LMBR1: variants seen among roughly 807,000 people sequenced by gnomAD.
LMBR1 encodes limb region 1 protein homolog.
Under a neutral mutation model 73.9 loss-of-function variants are expected in LMBR1, and 52 were observed. The observed-to-expected ratio is 0.70, with a 90% confidence interval of 0.56 to 0.89. The LOEUF (loss-of-function observed/expected upper bound fraction) is 0.89. Ranked by LOEUF, LMBR1 falls within the 40% of genes least tolerant of loss-of-function variation. LMBR1 has a pLI of 0.00. For missense variants in LMBR1, 539 were observed against 579.8 expected, an observed-to-expected ratio of 0.93 and a Z score of 0.72; for synonymous variants, 215 against 209.4, an observed-to-expected ratio of 1.03 and a Z score of -0.23.
At position 156,682,999 on chromosome 7, in the gene LMBR1, T is replaced by G. The variant is rs1805339197; in HGVS notation, c.*1079A>C. 1 of 152,224 alleles carries G rather than the reference T, an allele frequency of 6.6e-6. No individual in the cohort carries two copies. The highest frequency in any genetic ancestry group is 2.1e-4 in the South Asian group (1 of 4,832). 9.4% of individuals were successfully genotyped at this position (152,224 alleles called of 1,614,324 possible). On this transcript the variant is annotated 3_prime_UTR_variant, in exon 17 of 17. Coordinates refer to ENST00000353442, the MANE Select transcript of LMBR1 (RefSeq NM_022458.4). ...CCAAGAAACCATCCCAATAATTATT[T>G]ACAATTTAATAACTGAATGATTATC...
chr7:156,771,163 G>A (rs1825108585), intron 5 of LMBR1, among the ~76,000 whole-genome samples: 1 of 151,824 alleles, frequency 6.6e-6, no homozygotes, highest in Non-Finnish European at 1.5e-5. Flanking sequence ...CAAACGACTT[G>A]AGGAACTAGA....
intron 9 of LMBR1, among the ~76,000 whole-genome samples, chr7:156,753,657 G>A (rs1449857391): frequency 6.6e-6 from 1 of 152,132 alleles, no homozygotes; most frequent in Non-Finnish European, 1.5e-5. Context: ...TGGGCTCCAT[G>A]TGCTGACCAT....
chr7:156,833,875 T>A, intron 2 of LMBR1, 83 bp from the exon 3 acceptor site: 1 of 912,534 alleles, frequency 1.1e-6, no homozygotes. Context: ...AAACACAATA[T>A]AAACTTAAAA....
chr7:156,672,815 T>C (rs965162043), downstream of LMBR1, among the ~76,000 whole-genome samples: 11 of 152,200 alleles, frequency 7.2e-5, no homozygotes, highest in African/African-American at 2.4e-4. Context: ...ATGCTTGGAG[T>C]TGGGAGGTGA....
intron 1 of LMBR1, among the ~76,000 whole-genome samples, chr7:156,872,802 G>C (rs899570566): frequency 6.6e-6 from 1 of 152,178 alleles, no homozygotes; most frequent in African/African-American, 2.4e-5. Context: ...CTCCCACTCA[G>C]ACAGAGTAGT....
intron 8 of LMBR1, among the ~76,000 whole-genome samples, chr7:156,758,721 T>A (rs1822400537): frequency 6.6e-6 from 1 of 152,208 alleles, no homozygotes; most frequent in Admixed American, 6.5e-5. Context: ...CAGGTCCCAG[T>A]GCCATGCTTC....
At chr7:156,712,431 A>C (rs767746450) in intron 15 of LMBR1, among the ~76,000 whole-genome samples, 12 of 152,228 alleles carry the variant, frequency 7.9e-5, no homozygotes, top group African/African-American at 2.7e-4. Context: ...AATTATTACA[A>C]CCTCTATGGA....
At chr7:156,872,105 C>G (rs1383211265) in intron 1 of LMBR1, 1 of 152,028 alleles carries the variant, frequency 6.6e-6, no homozygotes, top group East Asian at 1.9e-4. Flanking sequence ...GTATCGTAGC[C>G]AGTCAGGTTT....
chr7:156,877,662 T>A (rs1169255051), intron 1 of LMBR1, among the ~76,000 whole-genome samples: 1 of 152,032 alleles, frequency 6.6e-6, no homozygotes, highest in Non-Finnish European at 1.5e-5. Context: ...GGTGGGCGGA[T>A]CACGAGGTCA....
chr7:156,673,386 T>C (rs1187675570), downstream of LMBR1, among the ~76,000 whole-genome samples: 3 of 152,216 alleles, frequency 2.0e-5, no homozygotes, highest in African/African-American at 7.2e-5. Flanking sequence ...AGAACTCTTC[T>C]ACTTTCAATA....
At chr7:156,796,227 T>C (rs1270657821) in intron 5 of LMBR1, among the ~76,000 whole-genome samples, 162 bp downstream of exon 5, 1 of 152,234 alleles carries the variant, frequency 6.6e-6, no homozygotes, top group African/African-American at 2.4e-5. Flanking sequence ...AGTAATTCAA[T>C]ATGCAGAATT....
At chr7:156,742,732 G>A (rs1417433751) in intron 9 of LMBR1, among the ~76,000 whole-genome samples, 1 of 152,094 alleles carries the variant, frequency 6.6e-6, no homozygotes, top group East Asian at 1.9e-4. Context: ...GAAAAACAGA[G>A]GAGGAGGAAA....
At chr7:156,798,071 A>AC (rs1715126059) in intron 4 of LMBR1, among the ~76,000 whole-genome samples, 1 of 152,198 alleles carries the variant, frequency 6.6e-6, no homozygotes, top group Non-Finnish European at 1.5e-5. Flanking sequence ...AGCATACAGA[A>AC]CGATGGCTGC....
chr7:156,792,942 T>G (rs908521876), intron 5 of LMBR1, among the ~76,000 whole-genome samples: 2 of 152,058 alleles, frequency 1.3e-5, no homozygotes, highest in African/African-American at 4.8e-5. Flanking sequence ...GAAATTTTAC[T>G]TAACCATATT....
chr7:156,724,401 ATATAGT>A (rs556157329), intron 14 of LMBR1, among the ~76,000 whole-genome samples: 203 of 152,284 alleles, frequency 1.3e-3, no homozygotes, highest in African/African-American at 4.4e-3. Context: ...CCTAGCACAG[ATATAGT>A]TATAGAATAC....
chr7:156,890,234 A>C (rs138733959), intron 1 of LMBR1, among the ~76,000 whole-genome samples: 1 of 152,340 alleles, frequency 6.6e-6, no homozygotes, highest in Non-Finnish European at 1.5e-5. Flanking sequence ...TAATTCAATA[A>C]AGCATTTAGA....
intron 4 of LMBR1, among the ~76,000 whole-genome samples, chr7:156,812,528 G>T (rs1833265318): frequency 6.6e-6 from 1 of 152,118 alleles, no homozygotes; most frequent in Non-Finnish European, 1.5e-5. Flanking sequence ...AGGTAGGAAG[G>T]AAATGAGGGC....
intron 1 of LMBR1, among the ~76,000 whole-genome samples, chr7:156,852,492 T>G (rs1227312322): frequency 1.3e-5 from 2 of 152,236 alleles, no homozygotes; most frequent in African/African-American, 2.4e-5. Context: ...TAAAAAATTA[T>G]AGGCTTCTAC....
chr7:156,687,278 A>G (rs1806182621), intron 16 of LMBR1, among the ~76,000 whole-genome samples: 1 of 152,210 alleles, frequency 6.6e-6, no homozygotes, highest in South Asian at 2.1e-4. Context: ...GATTTTTAAA[A>G]ATTTTCTACA....
Sources: allele counts gnomAD v4.1 joint callset (sites outside exome capture counted in the v4.1 genomes callset), GRCh38; gene constraint gnomAD v4.1.1; transcripts MANE v1.5; gene names NCBI Gene and HGNC (gene_info 2026-07-23, HGNC 2026-07-21).